MTUS1: variants seen among roughly 807,000 people sequenced by gnomAD.
The protein encoded by MTUS1 is microtubule associated scaffold protein 1.
MTUS1 carries 109 observed loss-of-function variants against 120.8 expected under a neutral mutation model. That is an observed-to-expected ratio of 0.90 (90% CI 0.77 to 1.06). The LOEUF (loss-of-function observed/expected upper bound fraction) is 1.06. Among genes scored for constraint, MTUS1 ranks in the 50% least tolerant of loss-of-function variants. The probability of loss-of-function intolerance (pLI) is 0.00; values close to 1 mark genes in which losing one functional copy is unlikely to be tolerated. For synonymous variants in MTUS1, 737 were observed against 550.5 expected, an observed-to-expected ratio of 1.34 and a Z score of -4.74; for missense variants, 2,210 against 1,486.3, an observed-to-expected ratio of 1.49 and a Z score of -8.01.
intron 7 of MTUS1, 69 bp downstream of exon 7, chr8:17,684,259 G>T: frequency 9.0e-7 from 1 of 1,114,864 alleles, no homozygotes; most frequent in Non-Finnish European, 1.4e-6. Context: ...AGGCCAGCGT[G>T]TGAGCAAGTC....
intron 12 of MTUS1, among the ~76,000 whole-genome samples, chr8:17,650,917 G>C (rs1191731467): frequency 1.3e-5 from 2 of 152,226 alleles, no homozygotes; most frequent in African/African-American, 4.8e-5. Flanking sequence ...GTAAGAGTCG[G>C]TGGTGTGGTC....
intron 6 of MTUS1, among the ~76,000 whole-genome samples, chr8:17,710,044 G>A (rs1820980749): frequency 6.6e-6 from 1 of 151,876 alleles, no homozygotes. Flanking sequence ...ATATTTCATT[G>A]CTAAAAAATG....
At chr8:17,684,166 G>C (rs377091153) in intron 7 of MTUS1, among the ~76,000 whole-genome samples, 162 bp downstream of exon 7, 1 of 152,166 alleles carries the variant, frequency 6.6e-6, no homozygotes, top group Non-Finnish European at 1.5e-5. Context: ...GCTAGAGACC[G>C]ACTCAAGTAT....
intron 1 of MTUS1, among the ~76,000 whole-genome samples, chr8:17,778,837 A>C (rs1169845682): frequency 6.6e-6 from 1 of 152,162 alleles, no homozygotes; most frequent in African/African-American, 2.4e-5. Flanking sequence ...AAAATAAAGA[A>C]GACACTGAGC....
intron 1 of MTUS1, among the ~76,000 whole-genome samples, chr8:17,773,091 G>A (rs1179016763): frequency 1.3e-5 from 2 of 152,078 alleles, no homozygotes; most frequent in Admixed American, 6.5e-5. Flanking sequence ...TTAGGCTGAA[G>A]GACTATTATT....
chr8:17,718,645 C>T (rs944296260), intron 4 of MTUS1, among the ~76,000 whole-genome samples: 2 of 151,938 alleles, frequency 1.3e-5, no homozygotes, highest in African/African-American at 4.8e-5. Context: ...TTCATGTGGC[C>T]ACCTACTTCT....
chr8:17,741,409 A>G (rs1254216481), intron 3 of MTUS1, among the ~76,000 whole-genome samples: 1 of 152,222 alleles, frequency 6.6e-6, no homozygotes, highest in African/African-American at 2.4e-5. Context: ...TTCCAGTTAC[A>G]TTAACTTTGT....
At chr8:17,702,658 G>C (rs1166189399) in intron 6 of MTUS1, among the ~76,000 whole-genome samples, 3 of 152,146 alleles carry the variant, frequency 2.0e-5, no homozygotes, top group African/African-American at 7.2e-5. Context: ...ATTTCACTTA[G>C]CATAGTGTCC....
chr8:17,740,935 G>A (rs1482866221), intron 3 of MTUS1, among the ~76,000 whole-genome samples: 1 of 152,054 alleles, frequency 6.6e-6, no homozygotes, highest in Admixed American at 6.6e-5. Context: ...GTGCTATCTC[G>A]GCTCACTGCA....
At chr8:17,657,725 G>A (rs1808704231) in intron 8 of MTUS1, among the ~76,000 whole-genome samples, 1 of 146,614 alleles carries the variant, frequency 6.8e-6, no homozygotes. Flanking sequence ...TACTGAGGAG[G>A]CTGAGGTGGG....
At chr8:17,782,499 TTTCC>T (rs1410982427) in intron 1 of MTUS1, among the ~76,000 whole-genome samples, 3 of 152,192 alleles carry the variant, frequency 2.0e-5, no homozygotes, top group Non-Finnish European at 4.4e-5. Flanking sequence ...TTGATTGGTT[TTTCC>T]ATCTCACTAT....
chr8:17,762,067 G>A (rs555529327), intron 1 of MTUS1, among the ~76,000 whole-genome samples: 4 of 152,108 alleles, frequency 2.6e-5, no homozygotes, highest in African/African-American at 9.7e-5. Context: ...ATCACTTGAG[G>A]CCAGGAGTTT....
chr8:17,700,624 T>C (rs991714677), intron 6 of MTUS1, among the ~76,000 whole-genome samples: 6 of 152,110 alleles, frequency 3.9e-5, no homozygotes, highest in Non-Finnish European at 8.8e-5. Flanking sequence ...ATGTCACCAA[T>C]GCTCTGGGAG....
intron 8 of MTUS1, chr8:17,674,554 C>G (rs911580656): frequency 6.8e-5 from 67 of 985,628 alleles, no homozygotes; most frequent in Non-Finnish European, 7.7e-5. Flanking sequence ...AACTGGAGGG[C>G]TGGGTGGTGG....
chr8:17,673,087 A>C (rs1166949533), intron 8 of MTUS1, among the ~76,000 whole-genome samples: 2 of 152,164 alleles, frequency 1.3e-5, no homozygotes, highest in Non-Finnish European at 2.9e-5. Flanking sequence ...ACACACAAAA[A>C]GGCCTCTTTC....
Position 17,754,350 on chromosome 8 carries a change from C to A in MTUS1, c.1458G>T (p.Thr486=). The A allele has an allele frequency of 6.2e-7, 1 of 1,614,028 alleles. No homozygotes were observed. Among genetic ancestry groups the A allele is most frequent in the Non-Finnish European group, 8.5e-7 (1 of 1,180,020 alleles). The change falls in exon 2 of 15, where the codon ACG becomes ACT. Residue 486 remains threonine, a synonymous_variant. Coordinates refer to ENST00000693296, the MANE Select transcript of MTUS1 (RefSeq NM_001363059.2). ...TAACTTTGCAGCCTATTGGGGTATT[C>A]GTTTTGATTGTTGATTTTCCTAAAC... ...KPSLGKSTIK[T]NTPIGCKVRK...
At chr8:17,723,271 G>C (rs922560472) in intron 4 of MTUS1, 7 of 189,344 alleles carry the variant, frequency 3.7e-5, no homozygotes, top group African/African-American at 1.4e-4. Flanking sequence ...TTAGAATTAG[G>C]ATTCAAGTTA....
At chr8:17,723,233 T>C in intron 4 of MTUS1, 1 of 181,822 alleles carries the variant, frequency 5.5e-6, no homozygotes. Flanking sequence ...CTGAAAACTT[T>C]AACAAAATTC....
chr8:17,720,832 T>C (rs2045782164), intron 4 of MTUS1, among the ~76,000 whole-genome samples: 1 of 152,214 alleles, frequency 6.6e-6, no homozygotes, highest in South Asian at 2.1e-4. Flanking sequence ...ACATTTGGTA[T>C]AGAAACCATT....
Sources: gnomAD v4.1 joint callset for allele counts (sites outside exome capture counted in the v4.1 genomes callset) on GRCh38, gnomAD v4.1.1 for gene constraint, MANE v1.5 for transcripts, NCBI Gene and HGNC (gene_info 2026-07-23, HGNC 2026-07-21) for gene names.